The following ATF7IP2 variants were observed in gnomAD, a reference collection of about 807,000 sequenced individuals.
ATF7IP2 encodes the protein activating transcription factor 7 interacting protein 2, also known as activating transcription factor 7-interacting protein 2.
A neutral mutation model predicts 64.2 loss-of-function variants in ATF7IP2; 42 were observed. That is an observed-to-expected ratio of 0.65 (90% CI 0.51 to 0.85). The LOEUF is 0.85. ATF7IP2 is among the 40% of genes least tolerant of loss of function. The pLI, the probability that ATF7IP2 is intolerant of heterozygous loss-of-function variation, is 0.00. For synonymous variants in ATF7IP2, 308 were observed against 272.8 expected, an observed-to-expected ratio of 1.13 and a Z score of -1.27; for missense variants, 933 against 784.2, an observed-to-expected ratio of 1.19 and a Z score of -2.27.
chr16:10,451,611 C>T (rs2141985291), intron 8 of ATF7IP2, among the ~76,000 whole-genome samples: 1 of 152,004 alleles, frequency 6.6e-6, no homozygotes, highest in Non-Finnish European at 1.5e-5. Context: ...TTGATCAGTT[C>T]AGCTGTTAAT....
intron 6 of ATF7IP2, among the ~76,000 whole-genome samples, chr16:10,436,016 T>C (rs2048407077): frequency 6.6e-6 from 1 of 152,118 alleles, no homozygotes; most frequent in African/African-American, 2.4e-5. Flanking sequence ...CTAACAAACA[T>C]GTGATGATCC....
intron 6 of ATF7IP2, among the ~76,000 whole-genome samples, chr16:10,435,418 T>C (rs959865709): frequency 9.2e-5 from 14 of 152,244 alleles, no homozygotes; most frequent in Non-Finnish European, 5.9e-5. Context: ...CTCCAAACTT[T>C]AGGCCAGTTT....
chr16:10,434,601 C>G (rs560528090), intron 6 of ATF7IP2, among the ~76,000 whole-genome samples: 2 of 152,206 alleles, frequency 1.3e-5, no homozygotes, highest in South Asian at 2.1e-4. Flanking sequence ...TTTTCTGTGT[C>G]TCCCTTTTGG....
chr16:10,459,335 G>A (rs1248482245), intron 9 of ATF7IP2, among the ~76,000 whole-genome samples: 1 of 152,162 alleles, frequency 6.6e-6, no homozygotes. Flanking sequence ...GGGCATGGTG[G>A]CGGGTGCCTG....
chr16:10,479,733 A>T (rs1376359342), intron 12 of ATF7IP2, among the ~76,000 whole-genome samples: 1 of 152,054 alleles, frequency 6.6e-6, no homozygotes, highest in Non-Finnish European at 1.5e-5. Flanking sequence ...ACAAACATGA[A>T]AAAAAGCTCA....
chr16:10,438,155 A>G lies in ATF7IP2; in HGVS notation c.1015A>G (p.Lys339Glu), dbSNP rs762446539. The G allele has an allele frequency of 6.2e-7, 1 of 1,601,792 alleles. No homozygotes were observed. Among genetic ancestry groups the G allele is most frequent in the African/African-American group, 1.3e-5 (1 of 74,148 alleles). ...IYSINYELFDKKLKELNQRIG... is the reference protein window; with the variant it reads ...IYSINYELFDEKLKELNQRIG... The stretch of plus-strand genomic sequence containing the variant: ...TAGCATAAATTATGAACTATTTGAT[A>G]AGAAACTGAAAGAATTGAACCAACG... Residue 339 changes from lysine to glutamate, a missense_variant, in exon 7 of 14, where the codon AAG becomes GAG. Lys to Glu is a moderately conservative substitution (Grantham distance 56). Transcript: ENST00000562102.
Position 10,452,335 on chromosome 16 carries a change from C to G in ATF7IP2, c.1195-5037C>G, listed in dbSNP as rs180717334. On this transcript the variant is annotated intron_variant, in intron 8 of 13. Transcript: ENST00000562102. ...GACGTCCTTTTTGTTGATGTTGATG[C>G]TATTCCTTTCTGTTTGTTACTCTTC... 2.3e-3 allele frequency among the ~76,000 whole-genome samples: 348 copies of G among 152,314 alleles called. 1 individual carries two copies. Among genetic ancestry groups the G allele is most frequent in the African/African-American group, 8.1e-3 (336 of 41,560 alleles).
intron 9 of ATF7IP2, among the ~76,000 whole-genome samples, chr16:10,469,967 C>A (rs1373262231): frequency 6.6e-6 from 1 of 150,848 alleles, no homozygotes; most frequent in African/African-American, 2.4e-5. Flanking sequence ...GAAAAACAGA[C>A]TTTTTAAGCC....
In ATF7IP2 at chr16:10,434,269, T is replaced by C. The variant is rs183418959; in HGVS notation, c.960+620T>C. Among the ~76,000 whole-genome samples the C allele has an allele frequency of 3.3e-5, 5 of 152,358 alleles. No individual in the cohort carries two copies. In the East Asian group the frequency reaches 9.6e-4, roughly 29 times the overall value. ...TTGATCAATTGTTAGCTGAAGTGTA[T>C]GTAGCGTGTTTCAGTTCTAGTAGAA... is the stretch of plus-strand genomic sequence containing the variant. On this transcript the variant is annotated intron_variant, in intron 6 of 13. Coordinates refer to ENST00000562102, the MANE Select transcript of ATF7IP2 (RefSeq NM_001393719.1).
chr16:10,392,298 T>C (rs552511810), intron 1 of ATF7IP2, among the ~76,000 whole-genome samples: 1 of 151,666 alleles, frequency 6.6e-6, no homozygotes, highest in South Asian at 2.1e-4. Flanking sequence ...CTTGGCCTCC[T>C]AAAGTGCCGG....
intron 8 of ATF7IP2, among the ~76,000 whole-genome samples, chr16:10,440,889 A>C (rs1217092988): frequency 6.6e-6 from 1 of 152,034 alleles, no homozygotes; most frequent in African/African-American, 2.4e-5. Context: ...TCCTAATGCT[A>C]TCCCTCCCCT....
At chr16:10,429,973 C>A (rs867422494) in intron 4 of ATF7IP2, among the ~76,000 whole-genome samples, 2 of 151,790 alleles carry the variant, frequency 1.3e-5, no homozygotes, top group African/African-American at 4.8e-5. Context: ...GTGCTTCAGC[C>A]TGCCGAGTAG....
chr16:10,440,549 G>A (rs2048580452), intron 8 of ATF7IP2, 87 bp downstream of exon 8: 2 of 779,758 alleles, frequency 2.6e-6, no homozygotes, highest in Non-Finnish European at 4.1e-6. Flanking sequence ...TTCCAGGCTA[G>A]GACAGAAGGT....
chr16:10,414,878 A>T (rs1315380565), intron 2 of ATF7IP2, among the ~76,000 whole-genome samples: 2 of 152,060 alleles, frequency 1.3e-5, no homozygotes, highest in African/African-American at 4.8e-5. Context: ...AGCTGTAGTG[A>T]TTGTTATCTC....
At chr16:10,413,096 T>C (rs765310148) in intron 1 of ATF7IP2, among the ~76,000 whole-genome samples, 26 of 152,192 alleles carry the variant, frequency 1.7e-4, no homozygotes, top group Admixed American at 7.9e-4. Flanking sequence ...ATAGTTGGTT[T>C]GTGAATTCGT....
intron 1 of ATF7IP2, among the ~76,000 whole-genome samples, chr16:10,407,094 G>A (rs1022334879): frequency 1.3e-5 from 2 of 152,106 alleles, no homozygotes; most frequent in Non-Finnish European, 2.9e-5. Context: ...CTATCAATGT[G>A]ATACATTATA....
At chr16:10,405,228 G>A (rs113244909) in intron 1 of ATF7IP2, among the ~76,000 whole-genome samples, 1,822 of 151,958 alleles carry the variant, frequency 0.012, 35 homozygotes, top group African/African-American at 0.041. Flanking sequence ...AAAATTAGCC[G>A]AGTCTGGTGG....
intron 12 of ATF7IP2, among the ~76,000 whole-genome samples, chr16:10,480,278 C>T (rs746892474): frequency 6.6e-6 from 1 of 151,902 alleles, no homozygotes; most frequent in Non-Finnish European, 1.5e-5. Context: ...TGCACAGCCT[C>T]CCCAGTTGTT....
chr16:10,472,102 C>A lies in ATF7IP2; in HGVS notation c.1353-8C>A. ...GTTTTTGTTTTTAATTTCTTTTTAT[C>A]ATTTTAGTAACAATGATGATGTTAT... is the stretch of plus-strand genomic sequence containing the variant. On this transcript the variant is annotated splice_polypyrimidine_tract_variant and splice_region_variant and intron_variant, in intron 9 of 13. Transcript: ENST00000562102. 1 of 1,492,862 alleles carries A rather than the reference C, an allele frequency of 6.7e-7. No homozygotes were observed. The highest frequency in any genetic ancestry group is 9.2e-7 in the Non-Finnish European group (1 of 1,089,004). 92.5% of individuals were successfully genotyped at this position (1,492,862 alleles called of 1,614,324 possible).
Sources: gnomAD v4.1 joint callset for allele counts (sites outside exome capture counted in the v4.1 genomes callset) on GRCh38, gnomAD v4.1.1 for gene constraint, MANE v1.5 for transcripts, NCBI Gene and HGNC (gene_info 2026-07-23, HGNC 2026-07-21) for gene names.